The following ZBTB16 variants were observed in gnomAD, a reference collection of about 807,000 sequenced individuals.
ZBTB16 encodes zinc finger and BTB domain containing 16.
Under a neutral mutation model 56.8 loss-of-function variants are expected in ZBTB16, and 8 were observed. That is an observed-to-expected ratio of 0.14 (90% CI 0.08 to 0.25). The LOEUF (loss-of-function observed/expected upper bound fraction) is 0.25. Ranked by LOEUF, ZBTB16 falls within the 10% of genes least tolerant of loss-of-function variation. ZBTB16 has a pLI of 1.00. For synonymous variants in ZBTB16, 363 were observed against 368.5 expected, an observed-to-expected ratio of 0.98 and a Z score of 0.17; for missense variants, 625 against 903.0, an observed-to-expected ratio of 0.69 and a Z score of 3.95.
At chr11:114,205,561 G>T (rs1943848259) in intron 4 of ZBTB16, among the ~76,000 whole-genome samples, 1 of 152,174 alleles carries the variant, frequency 6.6e-6, no homozygotes, top group Non-Finnish European at 1.5e-5. Context: ...AGTGTGCATT[G>T]TCAGATGGGA....
At chr11:114,218,095 A>G (rs937913926) in intron 4 of ZBTB16, among the ~76,000 whole-genome samples, 2 of 138,864 alleles carry the variant, frequency 1.4e-5, no homozygotes, top group African/African-American at 2.5e-5. Context: ...GACTTAGGGG[A>G]TTGCAGATCC....
intron 2 of ZBTB16, among the ~76,000 whole-genome samples, chr11:114,137,947 C>T (rs994313938): frequency 2.6e-5 from 4 of 152,160 alleles, no homozygotes; most frequent in East Asian, 1.9e-4. Flanking sequence ...GTGAGAGGAC[C>T]GCTCAGGCAG....
intron 2 of ZBTB16, among the ~76,000 whole-genome samples, chr11:114,077,927 G>T (rs1445321730): frequency 6.6e-6 from 1 of 152,146 alleles, no homozygotes; most frequent in Non-Finnish European, 1.5e-5. Context: ...TAACCCCTGT[G>T]GTCTGTTTAA....
chr11:114,168,255 C>A (rs1390622056), intron 3 of ZBTB16, among the ~76,000 whole-genome samples: 1 of 152,180 alleles, frequency 6.6e-6, no homozygotes, highest in African/African-American at 2.4e-5. Flanking sequence ...TGAGGTGCTG[C>A]CTGCTTCCCT....
chr11:114,244,187 T>C (rs1944770293), intron 5 of ZBTB16, among the ~76,000 whole-genome samples: 1 of 152,148 alleles, frequency 6.6e-6, no homozygotes, highest in South Asian at 2.1e-4. Context: ...CCAGCCGTGC[T>C]CTTGGCATTG....
At chr11:114,197,061 C>T (rs1275870665) in intron 4 of ZBTB16, among the ~76,000 whole-genome samples, 1 of 152,132 alleles carries the variant, frequency 6.6e-6, no homozygotes, top group East Asian at 1.9e-4. Context: ...AAAAGGGGGT[C>T]AGTTAAGAAC....
intron 4 of ZBTB16, among the ~76,000 whole-genome samples, chr11:114,215,394 CT>C (rs1321300293): frequency 2.0e-5 from 3 of 152,128 alleles, no homozygotes; most frequent in African/African-American, 7.2e-5. Context: ...GATGGGTTAC[CT>C]TCCCTGCCAG....
At chr11:114,079,615 T>G (rs965817502) in intron 2 of ZBTB16, among the ~76,000 whole-genome samples, 1 of 152,236 alleles carries the variant, frequency 6.6e-6, no homozygotes, top group African/African-American at 2.4e-5. Context: ...CCGCATTCTT[T>G]TGCTTTGCCT....
chr11:114,104,349 C>T (rs538757147), intron 2 of ZBTB16, among the ~76,000 whole-genome samples: 19 of 152,150 alleles, frequency 1.2e-4, no homozygotes, highest in African/African-American at 3.9e-4. Flanking sequence ...TGGGGAAAGA[C>T]GGAGTTAGCT....
intron 4 of ZBTB16, chr11:114,188,791 A>G (rs1943426499): frequency 6.6e-6 from 1 of 152,220 alleles, no homozygotes; most frequent in Non-Finnish European, 1.5e-5. Context: ...GGAAAAGGAT[A>G]AGGAGTAGAG....
chr11:114,097,587 A>T (rs534520248), intron 2 of ZBTB16, among the ~76,000 whole-genome samples: 104 of 151,890 alleles, frequency 6.8e-4, no homozygotes, highest in Admixed American at 1.2e-3. Context: ...AATTTTTTTT[A>T]AAAAAAACAC....
intron 2 of ZBTB16, among the ~76,000 whole-genome samples, chr11:114,105,520 A>G (rs527848555): frequency 1.3e-5 from 2 of 152,330 alleles, no homozygotes; most frequent in East Asian, 1.9e-4. Flanking sequence ...GACTGCAGGA[A>G]TGAGCCACCG....
chr11:114,249,457 CAAAAAAA>C (rs57092004), intron 6 of ZBTB16, among the ~76,000 whole-genome samples: 3 of 24,198 alleles, frequency 1.2e-4, no homozygotes, highest in African/African-American at 1.7e-4. Flanking sequence ...GACTCCATCT[CAAAAAAA>C]AAAAAAAAAA....
intron 2 of ZBTB16, among the ~76,000 whole-genome samples, chr11:114,133,849 C>A (rs1232912504): frequency 6.6e-6 from 1 of 152,200 alleles, no homozygotes; most frequent in Non-Finnish European, 1.5e-5. Context: ...AGGCTGATGG[C>A]CAGATTACAG....
chr11:114,172,469 T>C (rs1942995762), intron 3 of ZBTB16, among the ~76,000 whole-genome samples: 1 of 152,208 alleles, frequency 6.6e-6, no homozygotes. Context: ...ATGAGGAGAC[T>C]GAGTTTACTT....
intron 2 of ZBTB16, among the ~76,000 whole-genome samples, chr11:114,115,984 G>T (rs1001950609): frequency 1.3e-5 from 2 of 152,190 alleles, no homozygotes; most frequent in African/African-American, 4.8e-5. Flanking sequence ...ATGAAGCAGG[G>T]AATCAAAACC....
chr11:114,136,145 C>T (rs1941792225), intron 2 of ZBTB16, among the ~76,000 whole-genome samples: 1 of 152,218 alleles, frequency 6.6e-6, no homozygotes, highest in Non-Finnish European at 1.5e-5. Context: ...TCTCAACCTT[C>T]CTTTGCTGGA....
At chr11:114,161,067 T>G (rs1565659176) in intron 3 of ZBTB16, among the ~76,000 whole-genome samples, 1 of 152,174 alleles carries the variant, frequency 6.6e-6, no homozygotes, top group Non-Finnish European at 1.5e-5. Context: ...GTTGATCCAC[T>G]GTCTCTTCGC....
At chr11:114,097,017 G>A (rs1940440113) in intron 2 of ZBTB16, among the ~76,000 whole-genome samples, 1 of 152,136 alleles carries the variant, frequency 6.6e-6, no homozygotes, top group Non-Finnish European at 1.5e-5. Flanking sequence ...AGCAGCATTA[G>A]CCAAAATAGC....
Sources: allele counts gnomAD v4.1 joint callset (sites outside exome capture counted in the v4.1 genomes callset), GRCh38; gene constraint gnomAD v4.1.1; transcripts MANE v1.5; gene names NCBI Gene and HGNC (gene_info 2026-07-23, HGNC 2026-07-21).